MOV10L1: variants seen among roughly 807,000 people sequenced by gnomAD.
MOV10L1 encodes RNA helicase Mov10l1.
In MOV10L1, 110 loss-of-function variants were observed where a neutral mutation model predicts 143.8. The observed-to-expected ratio is 0.76, with a 90% CI of 0.66 to 0.90. MOV10L1 has a LOEUF of 0.90. MOV10L1 is among the 40% of genes least tolerant of loss of function. The probability of loss-of-function intolerance (pLI) is 0.00; values close to 1 mark genes in which losing one functional copy is unlikely to be tolerated. For missense variants in MOV10L1, 1,406 were observed against 1,526.8 expected, an observed-to-expected ratio of 0.92 and a Z score of 1.32; for synonymous variants, 593 against 581.1, an observed-to-expected ratio of 1.02 and a Z score of -0.29.
At chr22:50,109,496 C>T (rs1209092231) in intron 5 of MOV10L1, among the ~76,000 whole-genome samples, 2 of 148,782 alleles carry the variant, frequency 1.3e-5, no homozygotes, top group African/African-American at 2.5e-5. Context: ...GGTGAAACCC[C>T]GTGTCTACTA....
chr22:50,108,605 C>A, intron 4 of MOV10L1, 52 bp from the exon 5 acceptor site: 2 of 1,595,012 alleles, frequency 1.3e-6, no homozygotes, highest in Non-Finnish European at 8.6e-7. Context: ...AGAGCTGCGC[C>A]CTGTCGTCAT....
intron 16 of MOV10L1, 66 bp from the exon 17 acceptor site, chr22:50,142,977 A>G: frequency 3.4e-6 from 5 of 1,492,376 alleles, no homozygotes; most frequent in Non-Finnish European, 4.6e-6. Context: ...GACCTAGGTG[A>G]GGACGTGTCC....
intron 4 of MOV10L1, 116 bp downstream of exon 4, chr22:50,108,364 GT>G: frequency 1.0e-6 from 1 of 996,914 alleles, no homozygotes; most frequent in Non-Finnish European, 1.6e-6. Flanking sequence ...ATAAAGCTTT[GT>G]CATGGCCAAA....
At chr22:50,144,034 C>T (rs985478049) in intron 17 of MOV10L1, 63 bp from the exon 18 acceptor site, 1 of 1,569,638 alleles carries the variant, frequency 6.4e-7, no homozygotes, top group Non-Finnish European at 8.7e-7. Flanking sequence ...TGAGGTTAGA[C>T]TCCTGGTTTC....
chr22:50,134,434 T>C lies in MOV10L1; in HGVS notation c.1970-96T>C, dbSNP rs1473563184. The C allele has an allele frequency of 2.2e-5, 20 of 919,762 alleles. No individual in the cohort carries two copies. The East Asian group carries it at 5.1e-4, about 24-fold the overall frequency. The allele number at this position is 919,762 out of a possible 1,614,324, so 57.0% of individuals were successfully genotyped here. On this transcript the variant is annotated intron_variant, in intron 14 of 26. Transcript: ENST00000262794. The stretch of plus-strand genomic sequence containing the variant: ...AGGTTAAGAAAGGAAGGGAATAGAA[T>C]ATTAATTGCTTTAGGGTCAGCCATA...
intron 12 of MOV10L1, 115 bp downstream of exon 12, chr22:50,126,387 T>C (rs905595768): frequency 1.1e-5 from 7 of 637,816 alleles, no homozygotes; most frequent in Admixed American, 3.2e-5. Context: ...TTGGCTATTT[T>C]GGAAAATGTC....
chr22:50,105,981 T>G (rs966975085), intron 3 of MOV10L1, among the ~76,000 whole-genome samples: 1 of 152,232 alleles, frequency 6.6e-6, no homozygotes, highest in African/African-American at 2.4e-5. Flanking sequence ...CTTCCTGACC[T>G]GCAGGGTCTG....
rs750638120 is a variant in MOV10L1 at position 50,117,269 on chromosome 22, G to A, written c.1372G>A (p.Glu458Lys). ...SGEESLIAAR[E>K]PFSWKKLKSS... ...GGAGGAGTCACTAATTGCTGCGCGC[G>A]AACCATTTTCTTGGAAAAAGCTTAA... Residue 458 changes from glutamate (E) to lysine (K), a missense_variant, in exon 9 of 27, where the codon GAA becomes AAA. This residue lies in a region of MOV10L1 where 1,233 missense variants were observed against 1,351.4 expected (regional missense o/e 0.91). Transcript: ENST00000262794. 16 of 1,613,944 alleles carry A rather than the reference G, an allele frequency of 9.9e-6. No individual in the cohort carries two copies. The highest frequency in any genetic ancestry group is 4.5e-5 in the East Asian group (2 of 44,886).
Position 50,161,358 on chromosome 22 carries a change from C to G in MOV10L1, c.3555-10C>G. ...GGCTCACTGGCCATCCGCTTCTCCTCTGTCTACAGCTGTGGCGAGGGGGTG... is the reference window on the plus strand; with the variant it reads ...GGCTCACTGGCCATCCGCTTCTCCTGTGTCTACAGCTGTGGCGAGGGGGTG... On this transcript the variant is annotated splice_polypyrimidine_tract_variant and intron_variant, in intron 26 of 26. Transcript: ENST00000262794. The G allele has an allele frequency of 6.4e-7, 1 of 1,573,714 alleles. No individual in the cohort carries two copies. The highest frequency in any genetic ancestry group is 8.6e-7 in the Non-Finnish European group (1 of 1,159,950).
chr22:50,126,463 C>CT (rs1174191904), intron 12 of MOV10L1, among the ~76,000 whole-genome samples, 191 bp downstream of exon 12: 1 of 152,156 alleles, frequency 6.6e-6, no homozygotes, highest in Admixed American at 6.5e-5. Context: ...AATTTTCAAC[C>CT]ATGTAAAACA....
In MOV10L1 at chr22:50,159,590, A is replaced by G; in HGVS notation, c.3217-88A>G. 1.2e-6 allele frequency: 1 copy of G among 833,962 alleles called. No individual in the cohort carries two copies. The highest frequency in any genetic ancestry group is 1.7e-5 in the South Asian group (1 of 57,320). 51.7% of individuals were successfully genotyped at this position (833,962 alleles called of 1,614,324 possible). The stretch of plus-strand genomic sequence containing the variant: ...GCACTGCAGCCTGGGTGACAGAGTA[A>G]TACTCCATCTCAAAAAAAAAAAAGG... On this transcript the variant is annotated intron_variant, in intron 23 of 26. Coordinates refer to ENST00000262794, the MANE Select transcript of MOV10L1 (RefSeq NM_018995.3). This position sits in a 1 kb window ranked among gnomAD's most constrained non-coding sequence, Gnocchi z 4.1.
At chr22:50,150,676 C>A in intron 20 of MOV10L1, 59 bp from the exon 21 acceptor site, 1 of 1,580,022 alleles carries the variant, frequency 6.3e-7, no homozygotes, top group East Asian at 2.3e-5. Flanking sequence ...CCACCTGAGC[C>A]CGTAGGAGTG....
chr22:50,128,539 T>TA, intron 13 of MOV10L1, 32 bp downstream of exon 13: 53 of 820,056 alleles, frequency 6.5e-5, no homozygotes, highest in Non-Finnish European at 9.2e-5. Flanking sequence ...CTTTCAAATG[T>TA]CTTTTTTTTT....
chr22:50,116,378 C>T (rs1199838631), intron 8 of MOV10L1, among the ~76,000 whole-genome samples: 7 of 148,124 alleles, frequency 4.7e-5, no homozygotes, highest in African/African-American at 1.7e-4. Flanking sequence ...ACCTGGGAGG[C>T]GGAGCTTGCA....
Position 50,142,091 on chromosome 22 carries a change from CAAT to C in MOV10L1, c.2082_2084del (p.Met695del). 6.2e-7 allele frequency: 1 copy of C among 1,607,392 alleles called. No homozygotes were observed. Among genetic ancestry groups the C allele is most frequent in the South Asian group, 1.1e-5 (1 of 89,668 alleles). On this transcript the variant is annotated inframe_deletion, in exon 16 of 27. Transcript: ENST00000262794. ...CCTGATAATTTCTAGAATAGGAAAA[CAAT>C]GACGGACCAAGCTGAGCATGGAACA... is the stretch of plus-strand genomic sequence containing the variant.
chr22:50,160,253 C>CTT (rs571939734), intron 24 of MOV10L1, among the ~76,000 whole-genome samples: 3 of 97,660 alleles, frequency 3.1e-5, no homozygotes, highest in African/African-American at 7.4e-5. Flanking sequence ...TTTTTTCTTT[C>CTT]TTTTTTTTTT....
chr22:50,116,193 CTTT>C (rs111406730), intron 8 of MOV10L1, among the ~76,000 whole-genome samples: 9 of 139,732 alleles, frequency 6.4e-5, no homozygotes, highest in Admixed American at 1.4e-4. Context: ...AGCTTCAATG[CTTT>C]TTTTTTTTTT....
chr22:50,153,866 T>C (rs1044344983), intron 22 of MOV10L1, among the ~76,000 whole-genome samples: 9 of 151,742 alleles, frequency 5.9e-5, no homozygotes, highest in Admixed American at 2.0e-4. Context: ...ATTCAAGGTA[T>C]CTGCAGTGAG....
chr22:50,122,031 C>G (rs993398945), intron 10 of MOV10L1, among the ~76,000 whole-genome samples: 2 of 152,144 alleles, frequency 1.3e-5, no homozygotes, highest in Admixed American at 1.3e-4. Flanking sequence ...CTCAAGTATT[C>G]CTCCCGCCTC....
Sources: gnomAD v4.1 joint callset for allele counts (sites outside exome capture counted in the v4.1 genomes callset) on GRCh38, gnomAD v4.1.1 for gene constraint, gnomAD v4.1.1 regional missense constraint, Gnocchi (gnomAD v3.1) non-coding constraint, MANE v1.5 for transcripts, NCBI Gene and HGNC (gene_info 2026-07-23, HGNC 2026-07-21) for gene names.